The following CENPF variants were observed in gnomAD, a reference collection of about 807,000 sequenced individuals.
CENPF encodes AH antigen.
In CENPF, 214 loss-of-function variants were observed where a neutral mutation model predicts 307.3. That is an observed-to-expected ratio of 0.70 (90% CI 0.62 to 0.78). The LOEUF (loss-of-function observed/expected upper bound fraction) is 0.78, where lower values mean the gene tolerates loss of function less well. CENPF is among the 30% of genes least tolerant of loss of function. The probability of loss-of-function intolerance (pLI) is 0.00; values close to 1 mark genes in which losing one functional copy is unlikely to be tolerated. For synonymous variants in CENPF, 1,259 were observed against 1,270.6 expected, an observed-to-expected ratio of 0.99 and a Z score of 0.19; for missense variants, 3,401 against 3,483.9, an observed-to-expected ratio of 0.98 and a Z score of 0.60.
intron 3 of CENPF, 190 bp downstream of exon 3, chr1:214,615,218 T>G: frequency 2.2e-6 from 1 of 459,590 alleles, no homozygotes; most frequent in Admixed American, 4.0e-5. Flanking sequence ...GTGATTTGGT[T>G]TTATCATTGC....
chr1:214,663,581 T>C lies in CENPF; in HGVS notation c.9142-10T>C, dbSNP rs1220990085. ...TGATTGAACCTCTAACAGAGATGTT[T>C]GTGTTGCAGGTCAAAGTTGCTCAGC... On this transcript the variant is annotated splice_polypyrimidine_tract_variant and intron_variant, in intron 19 of 19. Coordinates refer to ENST00000366955, the MANE Select transcript of CENPF (RefSeq NM_016343.4). 1.9e-6 allele frequency: 3 copies of C among 1,613,652 alleles called. No individual in the cohort carries two copies. The highest frequency in any genetic ancestry group is 2.5e-6 in the Non-Finnish European group (3 of 1,179,772).
At chr1:214,618,545 G>A in intron 3 of CENPF, 28 bp from the exon 4 acceptor site, 1 of 1,611,384 alleles carries the variant, frequency 6.2e-7, no homozygotes, top group Non-Finnish European at 8.5e-7. Context: ...TAACTGATTT[G>A]TCTGCCTCTT....
Position 214,647,125 on chromosome 1 carries a change from A to G in CENPF, c.7555A>G (p.Lys2519Glu), listed in dbSNP as rs149416779. The part of the protein sequence containing the change: ...EVEDGKQKLE[K>E]KDEEISRLKN... ...AGAAGATGGCAAGCAGAAACTGGAG[A>G]AGAAGGATGAAGAAATCAGTAGACT... The change falls in exon 13 of 20, where the codon AAG becomes GAG. Residue 2519 changes from lysine (K) to glutamate (E), a missense_variant. Coordinates refer to ENST00000366955, the MANE Select transcript of CENPF (RefSeq NM_016343.4). 5.2e-4 allele frequency: 838 copies of G among 1,613,956 alleles called. 5 individuals carry two copies. In the African/African-American group the frequency reaches 9.4e-3, roughly 18 times the overall value.
At chr1:214,639,813 A>C in intron 11 of CENPF, 108 bp from the exon 12 acceptor site, 1 of 527,972 alleles carries the variant, frequency 1.9e-6, no homozygotes. Flanking sequence ...GGGCTTGAGT[A>C]GTTGTTAGTT....
intron 10 of CENPF, among the ~76,000 whole-genome samples, chr1:214,635,595 G>C (rs537491889): frequency 6.6e-6 from 1 of 152,282 alleles, no homozygotes; most frequent in African/African-American, 2.4e-5. Flanking sequence ...ATGGATGGCA[G>C]CTTGCACATC....
chr1:214,609,960 G>A (rs1657155064), intron 1 of CENPF, among the ~76,000 whole-genome samples: 1 of 149,432 alleles, frequency 6.7e-6, no homozygotes, highest in African/African-American at 2.5e-5. Flanking sequence ...CATTTAGATT[G>A]ATTGCATGTC....
chr1:214,647,193 G>C lies in CENPF; in HGVS notation c.7623G>C (p.Leu2541=). The C allele has an allele frequency of 6.2e-7, 1 of 1,614,134 alleles. No individual in the cohort carries two copies. Among genetic ancestry groups the C allele is most frequent in the Non-Finnish European group, 8.5e-7 (1 of 1,179,984 alleles). ...IQDQEQLVSK[L]SQVEGEHQLW... is the part of the protein sequence containing the mutation. ...ACCAAGAGCAGCTTGTCTCTAAACT[G>C]TCCCAGGTGGAAGGAGAGCACCAAC... Residue 2541 remains leucine, a synonymous_variant, in exon 13 of 20, where the codon CTG becomes CTC. Coordinates refer to ENST00000366955, the MANE Select transcript of CENPF (RefSeq NM_016343.4).
chr1:214,606,153 G>T, intron 1 of CENPF: 2 of 1,420,492 alleles, frequency 1.4e-6, no homozygotes, highest in Non-Finnish European at 1.9e-6. Flanking sequence ...GCGTCCCCGG[G>T]CCCAGCTCCG....
chr1:214,604,838 G>A (rs1403476695), intron 1 of CENPF, among the ~76,000 whole-genome samples: 1 of 151,996 alleles, frequency 6.6e-6, no homozygotes. Context: ...TCCAAGAACT[G>A]AGAGCTAGAA....
chr1:214,631,007 C>G lies in CENPF; in HGVS notation c.1323+345C>G, dbSNP rs555745587. ...TCACTTTACTTATTTAAGACTCACTCCCAAAGTGGTCTCATCCAGTTTTGT... is the reference window on the plus strand; with the variant it reads ...TCACTTTACTTATTTAAGACTCACTGCCAAAGTGGTCTCATCCAGTTTTGT... On this transcript the variant is annotated intron_variant, in intron 9 of 19. Coordinates refer to ENST00000366955, the MANE Select transcript of CENPF (RefSeq NM_016343.4). Among the ~76,000 whole-genome samples, 9 of 152,272 alleles carry G rather than the reference C, an allele frequency of 5.9e-5. No individual in the cohort carries two copies. The East Asian group carries it at 1.7e-3, about 29-fold the overall frequency.
At chr1:214,648,528 T>G in intron 13 of CENPF, 147 bp from the exon 14 acceptor site, 1 of 843,134 alleles carries the variant, frequency 1.2e-6, no homozygotes, top group Non-Finnish European at 2.0e-6. Context: ...AATGTTGAGT[T>G]GAGTGGATTA....
At position 214,663,872 on chromosome 1, in the gene CENPF, A is replaced by T. The variant is rs1658851403; in HGVS notation, c.*78A>T. The T allele has an allele frequency of 8.8e-7, 1 of 1,131,144 alleles. No homozygotes were observed. Among genetic ancestry groups the T allele is most frequent in the South Asian group, 1.4e-5 (1 of 70,150 alleles). The allele number at this position is 1,131,144 out of a possible 1,614,324, so 70.1% of individuals were successfully genotyped here. A position where few individuals can be genotyped will look rare whatever the true frequency, so the allele number is the denominator to read the frequency against. ...GGCTGTGCCTACAGGACTTCTCTTT[A>T]GTCAGGGCATGCTTTATTAGTGAGG... On this transcript the variant is annotated 3_prime_UTR_variant, in exon 20 of 20. Transcript: ENST00000366955.
At chr1:214,619,422 A>G (rs564040790) in intron 5 of CENPF, among the ~76,000 whole-genome samples, 137 of 152,158 alleles carry the variant, frequency 9.0e-4, no homozygotes, top group African/African-American at 3.2e-3. Flanking sequence ...TAGAGTGGGG[A>G]GGTTAGTTTA....
intron 2 of CENPF, among the ~76,000 whole-genome samples, 197 bp from the exon 3 acceptor site, chr1:214,614,635 T>C (rs577477342): frequency 6.6e-6 from 1 of 152,180 alleles, no homozygotes; most frequent in Non-Finnish European, 1.5e-5. Context: ...TGGCCAAAGA[T>C]GATATACTAC....
At chr1:214,625,861 ACCCT>A (rs1337168319) in intron 7 of CENPF, among the ~76,000 whole-genome samples, 2 of 151,512 alleles carry the variant, frequency 1.3e-5, no homozygotes, top group East Asian at 3.9e-4. Context: ...TCGTCTTTTT[ACCCT>A]CCCTCATTTA....
rs1232944676 is a variant in CENPF at position 214,614,487 on chromosome 1, A to C, written c.163-345A>C. Among the ~76,000 whole-genome samples the C allele has an allele frequency of 2.0e-5, 3 of 152,148 alleles. No homozygotes were observed. The East Asian group carries it at 5.8e-4, about 29-fold the overall frequency. On this transcript the variant is annotated intron_variant, in intron 2 of 19. Coordinates refer to ENST00000366955, the MANE Select transcript of CENPF (RefSeq NM_016343.4). ...CTAAAAGGATTTTGCTTGTGGGAGA[A>C]TTTTCTGGTTTCTAACAATAACTGG...
chr1:214,630,888 C>T (rs937749656), intron 9 of CENPF, among the ~76,000 whole-genome samples: 2 of 152,178 alleles, frequency 1.3e-5, no homozygotes, highest in African/African-American at 4.8e-5. Flanking sequence ...CTGTGGAGCT[C>T]TCTCATAATC....
In CENPF at chr1:214,629,028, AT is replaced by A; in HGVS notation, c.1069-13del. On this transcript the variant is annotated splice_polypyrimidine_tract_variant and intron_variant, in intron 7 of 19. Transcript: ENST00000366955. ...GAGTAATATTTATTTTGTCTTGAAC[AT>A]TTTTATTCATTATTAGTATACTGCA... 1 of 1,534,226 alleles carries A rather than the reference AT, an allele frequency of 6.5e-7. No homozygotes were observed. The highest frequency in any genetic ancestry group is 2.2e-5 in the Admixed American group (1 of 45,902).
intron 7 of CENPF, among the ~76,000 whole-genome samples, chr1:214,628,315 A>G (rs1657710617): frequency 6.6e-6 from 1 of 151,820 alleles, no homozygotes; most frequent in South Asian, 2.1e-4. Flanking sequence ...AGTGGACTGT[A>G]TTGCAGTTTG....
Sources: gnomAD v4.1 joint callset for allele counts (sites outside exome capture counted in the v4.1 genomes callset) on GRCh38, gnomAD v4.1.1 for gene constraint, MANE v1.5 for transcripts, NCBI Gene and HGNC (gene_info 2026-07-23, HGNC 2026-07-21) for gene names.